SHROOM3: variants seen among roughly 807,000 people sequenced by gnomAD.
SHROOM3 encodes shroom family member 3, also known as protein Shroom3.
SHROOM3 carries 47 observed loss-of-function variants against 138.6 expected under a neutral mutation model. That is an observed-to-expected ratio of 0.34 (90% CI 0.27 to 0.43). The LOEUF is 0.43. Among genes scored for constraint, SHROOM3 ranks in the 20% least tolerant of loss-of-function variants. The pLI is 1.00. For missense variants in SHROOM3, 2,491 were observed against 2,596.5 expected (o/e 0.96, Z 0.88); for synonymous variants, 1,062 against 1,063.3 (o/e 1.00, Z 0.02).
chr4:76,573,393 T>G (rs2110039243), intron 2 of SHROOM3, among the ~76,000 whole-genome samples: 1 of 128,950 alleles, frequency 7.8e-6, no homozygotes, highest in East Asian at 2.1e-4. Context: ...ATAATAATAA[T>G]AATAATAATA....
chr4:76,773,210 G>A (rs897463817), intron 10 of SHROOM3, among the ~76,000 whole-genome samples: 41 of 151,794 alleles, frequency 2.7e-4, no homozygotes, highest in African/African-American at 1.2e-4. Context: ...CCTCCTCTCT[G>A]CTAAAAATAC....
chr4:76,497,981 G>A (rs551131624), intron 1 of SHROOM3, among the ~76,000 whole-genome samples: 158 of 152,310 alleles, frequency 1.0e-3, no homozygotes, highest in Admixed American at 1.7e-3. Context: ...TGAGGACTTC[G>A]GCTTTTCCTT....
At chr4:76,467,556 G>T (rs903349157) in intron 1 of SHROOM3, among the ~76,000 whole-genome samples, 1 of 152,092 alleles carries the variant, frequency 6.6e-6, no homozygotes, top group African/African-American at 2.4e-5. Context: ...AAATAATGAA[G>T]TACATACAGT....
intron 2 of SHROOM3, among the ~76,000 whole-genome samples, chr4:76,584,216 G>A (rs1417899553): frequency 2.0e-5 from 3 of 152,150 alleles, no homozygotes; most frequent in Non-Finnish European, 2.9e-5. Flanking sequence ...TACTTGGGAG[G>A]CTGAGGCAGG....
chr4:76,606,870 G>A (rs1197075014), intron 2 of SHROOM3, among the ~76,000 whole-genome samples: 1 of 152,144 alleles, frequency 6.6e-6, no homozygotes. Context: ...TGCTGTAGCA[G>A]CTTGTAGAAA....
At position 76,770,837 on chromosome 4, in the gene SHROOM3, G is replaced by A; in HGVS notation, c.5561G>A (p.Arg1854His). The A allele has an allele frequency of 3.1e-6, 5 of 1,614,218 alleles. No homozygotes were observed. Among genetic ancestry groups the A allele is most frequent in the Non-Finnish European group, 3.4e-6 (4 of 1,180,046 alleles). The change falls in exon 10 of 11, where the codon CGT becomes CAT. Residue 1854 changes from arginine to histidine, a missense_variant. This residue lies in a region of SHROOM3 where 470 missense variants were observed against 595.0 expected (regional missense o/e 0.79). Coordinates refer to ENST00000296043, the MANE Select transcript of SHROOM3 (RefSeq NM_020859.4). ...VVNLLLSLSG[R>H]LARVENVLSG... ...AACCTGCTGCTCTCCCTCTCGGGGCGTCTAGCCCGTGTTGAGAATGTCCTT... is the reference window on the plus strand; with the variant it reads ...AACCTGCTGCTCTCCCTCTCGGGGCATCTAGCCCGTGTTGAGAATGTCCTT...
intron 2 of SHROOM3, chr4:76,689,756 C>G: frequency 4.1e-6 from 4 of 984,930 alleles, no homozygotes; most frequent in Non-Finnish European, 4.8e-6. Flanking sequence ...CGGCCGGCTG[C>G]TTTCTGGAGC....
rs760996172 is a variant in SHROOM3 at position 76,730,833 on chromosome 4, C to T, written c.485C>T (p.Ser162Leu). 45 of 1,613,968 alleles carry T rather than the reference C, an allele frequency of 2.8e-5. No homozygotes were observed. The highest frequency in any genetic ancestry group is 8.0e-5 in the African/African-American group (6 of 74,898). The change falls in exon 4 of 11, where the codon TCG becomes TTG. Residue 162 changes from serine (S) to leucine (L), a missense_variant. Around this residue, in one of 4 missense-constraint regions of SHROOM3, gnomAD observed 284 missense variants for 322.8 expected, o/e 0.88. Coordinates refer to ENST00000296043, the MANE Select transcript of SHROOM3 (RefSeq NM_020859.4). The part of the protein sequence containing the change: ...RRSEPAGRPH[S>L]WHTTKSGEKQ... ...AGTGAGCCTGCAGGCCGACCTCACT[C>T]GTGGCACACAACTAAATCTGGGGAG...
chr4:76,482,155 G>A (rs1400014754), intron 1 of SHROOM3, among the ~76,000 whole-genome samples: 3 of 152,192 alleles, frequency 2.0e-5, no homozygotes, highest in South Asian at 2.1e-4. Context: ...CTCTGGCCAG[G>A]GCAATCAGGC....
intron 1 of SHROOM3, among the ~76,000 whole-genome samples, chr4:76,523,212 A>G (rs1732601869): frequency 6.6e-6 from 1 of 152,120 alleles, no homozygotes; most frequent in South Asian, 2.1e-4. Flanking sequence ...TTCATGGGAC[A>G]TTCTCTCTGT....
chr4:76,532,960 GC>G (rs35393112), intron 1 of SHROOM3, among the ~76,000 whole-genome samples: 68,882 of 151,844 alleles, frequency 0.45, 15,831 homozygotes, highest in South Asian at 0.56. Flanking sequence ...TGTGACAGCT[GC>G]TGACTAATGG....
At chr4:76,450,373 G>A (rs868778911) in intron 1 of SHROOM3, among the ~76,000 whole-genome samples, 1 of 152,176 alleles carries the variant, frequency 6.6e-6, no homozygotes, top group African/African-American at 2.4e-5. Context: ...TCACCCAACA[G>A]TTCTACTCTG....
rs578067534 is a variant in SHROOM3 at position 76,582,447 on chromosome 4, C to T, written c.323+26684C>T. Reference sequence around the variant, plus strand: ...CAGCTTTCCCACCATAGACCTTCATCTCTAATCCCAAACAAGCACCTCACA... The same window carrying T: ...CAGCTTTCCCACCATAGACCTTCATTTCTAATCCCAAACAAGCACCTCACA... On this transcript the variant is annotated intron_variant, in intron 2 of 10. Transcript: ENST00000296043. Among the ~76,000 whole-genome samples the T allele has an allele frequency of 3.9e-4, 59 of 152,224 alleles. 2 individuals are homozygous for T. Among genetic ancestry groups the T allele is most frequent in the Middle Eastern group, 6.8e-3 (2 of 294 alleles).
intron 2 of SHROOM3, among the ~76,000 whole-genome samples, chr4:76,576,889 TAAAG>T (rs2110041259): frequency 6.6e-6 from 1 of 152,152 alleles, no homozygotes; most frequent in Admixed American, 6.5e-5. Flanking sequence ...AAAATAAAAA[TAAAG>T]GACTTTGGTG....
chr4:76,628,910 G>C (rs544723545), intron 2 of SHROOM3: 2 of 151,936 alleles, frequency 1.3e-5, no homozygotes, highest in Non-Finnish European at 2.9e-5. Flanking sequence ...GTGCGATCTT[G>C]ACTCACCGCA....
intron 2 of SHROOM3, among the ~76,000 whole-genome samples, chr4:76,663,441 C>T (rs1718597019): frequency 6.6e-6 from 1 of 152,066 alleles, no homozygotes; most frequent in Non-Finnish European, 1.5e-5. Context: ...GGTTGTGAAG[C>T]TACACAACTT....
At chr4:76,605,542 A>G (rs530979860) in intron 2 of SHROOM3, among the ~76,000 whole-genome samples, 28 of 152,294 alleles carry the variant, frequency 1.8e-4, no homozygotes, top group African/African-American at 6.5e-4. Context: ...CAGAAATTAA[A>G]ATAATCCTAT....
chr4:76,518,463 C>G (rs1560531382), intron 1 of SHROOM3, among the ~76,000 whole-genome samples: 1 of 151,806 alleles, frequency 6.6e-6, no homozygotes. Context: ...TTCCCCTCCC[C>G]CCTCCTTCCT....
intron 1 of SHROOM3, among the ~76,000 whole-genome samples, chr4:76,493,812 C>T (rs1299630022): frequency 2.0e-5 from 3 of 152,130 alleles, no homozygotes; most frequent in African/African-American, 4.8e-5. Flanking sequence ...AAGCCTGTCT[C>T]TACTAAAAAT....
Sources: allele counts gnomAD v4.1 joint callset (sites outside exome capture counted in the v4.1 genomes callset), GRCh38; gene constraint gnomAD v4.1.1; regional missense constraint gnomAD v4.1.1; transcripts MANE v1.5; gene names NCBI Gene and HGNC (gene_info 2026-07-23, HGNC 2026-07-21).